The following SYT1 variants were observed in gnomAD, a reference collection of about 807,000 sequenced individuals.
SYT1 encodes synaptotagmin 1.
Under a neutral mutation model 44.8 loss-of-function variants are expected in SYT1, and 8 were observed. The ratio of observed to expected loss-of-function variants is 0.18; its 90% confidence interval spans 0.10 to 0.32. SYT1 has a LOEUF of 0.32. Ranked by LOEUF, SYT1 falls within the 10% of genes least tolerant of loss-of-function variation. The pLI is 1.00. For synonymous variants in SYT1, 154 were observed against 188.8 expected, an observed-to-expected ratio of 0.82 and a Z score of 1.51; for missense variants, 286 against 509.3, an observed-to-expected ratio of 0.56 and a Z score of 4.22.
chr12:79,109,067 G>T (rs956483779), intron 3 of SYT1, among the ~76,000 whole-genome samples: 2 of 152,124 alleles, frequency 1.3e-5, no homozygotes, highest in Non-Finnish European at 2.9e-5. Flanking sequence ...TCTCCACAAG[G>T]CCAGGGGCCC....
chr12:79,384,894 C>A (rs1457995896), intron 9 of SYT1, among the ~76,000 whole-genome samples: 1 of 151,364 alleles, frequency 6.6e-6, no homozygotes, highest in Admixed American at 6.6e-5. Flanking sequence ...ATACCCAAAT[C>A]TTTGAATTAT....
At chr12:79,058,464 G>T (rs1163999092) in intron 3 of SYT1, among the ~76,000 whole-genome samples, 1 of 152,004 alleles carries the variant, frequency 6.6e-6, no homozygotes, top group African/African-American at 2.4e-5. Flanking sequence ...CTGAGGTAAT[G>T]CTGTTTCCCA....
At chr12:79,013,435 T>C (rs924237292) in intron 2 of SYT1, among the ~76,000 whole-genome samples, 1 of 152,190 alleles carries the variant, frequency 6.6e-6, no homozygotes, top group African/African-American at 2.4e-5. Context: ...CCAAGAGGGA[T>C]TAACTGTTTA....
chr12:79,163,524 A>G (rs2138317393), intron 3 of SYT1, among the ~76,000 whole-genome samples: 1 of 152,234 alleles, frequency 6.6e-6, no homozygotes. Flanking sequence ...AACACGGTCT[A>G]AAGAAGGACT....
intron 3 of SYT1, among the ~76,000 whole-genome samples, chr12:79,168,148 C>A (rs886389591): frequency 1.3e-5 from 2 of 152,050 alleles, no homozygotes; most frequent in African/African-American, 4.8e-5. Context: ...TACTTAACTT[C>A]TTTGTCTTCT....
chr12:79,338,177 C>A (rs1243527978), intron 8 of SYT1, among the ~76,000 whole-genome samples: 1 of 152,126 alleles, frequency 6.6e-6, no homozygotes, highest in Non-Finnish European at 1.5e-5. Flanking sequence ...ATGGGGCTCA[C>A]CTACCATCTT....
chr12:79,274,085 A>AAAAT (rs769758168), intron 4 of SYT1, among the ~76,000 whole-genome samples: 1 of 152,238 alleles, frequency 6.6e-6, no homozygotes, highest in Non-Finnish European at 1.5e-5. Flanking sequence ...TCCGTCTGAA[A>AAAAT]AAATAAATAA....
At chr12:79,150,936 A>G (rs1286322308) in intron 3 of SYT1, among the ~76,000 whole-genome samples, 1 of 152,152 alleles carries the variant, frequency 6.6e-6, no homozygotes, top group Non-Finnish European at 1.5e-5. Flanking sequence ...TTAAGTGCCT[A>G]GAAAAAAGGA....
At chr12:78,983,685 A>G (rs1046745859) in intron 2 of SYT1, among the ~76,000 whole-genome samples, 2 of 152,078 alleles carry the variant, frequency 1.3e-5, no homozygotes, top group African/African-American at 4.8e-5. Flanking sequence ...ACACATCTTG[A>G]AAATGCAATA....
chr12:79,149,841 T>G (rs1022558071), intron 3 of SYT1, among the ~76,000 whole-genome samples: 2 of 152,188 alleles, frequency 1.3e-5, no homozygotes, highest in Non-Finnish European at 2.9e-5. Flanking sequence ...AACTCTACAC[T>G]GGCCCCACAC....
At position 78,926,586 on chromosome 12, in the gene SYT1, T is replaced by C. The variant is rs149411511; in HGVS notation, c.-216-51213T>C. The stretch of plus-strand genomic sequence containing the variant: ...GAAATTTTAAAACATTTTATTTTTA[T>C]CACATAACAGGAATGGAATAAACCA... On this transcript the variant is annotated intron_variant, in intron 1 of 10. Coordinates refer to ENST00000261205, the MANE Select transcript of SYT1 (RefSeq NM_005639.3). 1,094 of 151,772 alleles carry C rather than the reference T, an allele frequency of 7.2e-3. 14 individuals carry two copies. The highest frequency in any genetic ancestry group is 0.025 in the African/African-American group (1,036 of 41,436). 9.4% of individuals were successfully genotyped at this position (151,772 alleles called of 1,614,324 possible).
chr12:78,864,431 A>G (rs925396596), upstream of SYT1: 4 of 150,740 alleles, frequency 2.7e-5, no homozygotes, highest in Non-Finnish European at 5.9e-5. Flanking sequence ...CTTGTGGGGC[A>G]TTCCTGAGTC....
intron 3 of SYT1, among the ~76,000 whole-genome samples, chr12:79,207,566 C>T (rs959932643): frequency 1.2e-4 from 18 of 152,030 alleles, no homozygotes; most frequent in African/African-American, 4.1e-4. Context: ...CTCCCTGTGT[C>T]CATGTGTACT....
intron 3 of SYT1, among the ~76,000 whole-genome samples, chr12:79,050,707 A>C (rs1874415333): frequency 6.6e-6 from 1 of 152,096 alleles, no homozygotes; most frequent in African/African-American, 2.4e-5. Context: ...AGTTTTTAGT[A>C]AGAGTGATTC....
intron 3 of SYT1, among the ~76,000 whole-genome samples, chr12:79,118,450 A>G (rs1332182913): frequency 1.3e-5 from 2 of 152,230 alleles, no homozygotes; most frequent in Non-Finnish European, 2.9e-5. Flanking sequence ...TCAAGTCTAT[A>G]TACAATTTTC....
Position 79,149,852 on chromosome 12 carries a change from C to T in SYT1, c.-17-67651C>T, listed in dbSNP as rs183321324. On this transcript the variant is annotated intron_variant, in intron 3 of 10. Transcript: ENST00000261205. Reference sequence around the variant, plus strand: ...CATAAACTCTACACTGGCCCCACACCTTCTCTCTTGCTCACTATAGTATCT... The same window carrying T: ...CATAAACTCTACACTGGCCCCACACTTTCTCTCTTGCTCACTATAGTATCT... 2.8e-3 allele frequency among the ~76,000 whole-genome samples: 425 copies of T among 152,254 alleles called. 2 individuals are homozygous for T. The highest frequency in any genetic ancestry group is 4.6e-3 in the Admixed American group (70 of 15,284).
intron 2 of SYT1, among the ~76,000 whole-genome samples, chr12:79,030,692 G>A (rs1383242956): frequency 1.3e-5 from 2 of 151,036 alleles, no homozygotes; most frequent in African/African-American, 4.8e-5. Context: ...GCCCAAAATA[G>A]TCTATCAGCA....
intron 1 of SYT1, among the ~76,000 whole-genome samples, chr12:78,964,766 T>C (rs1385140009): frequency 2.0e-5 from 3 of 152,150 alleles, no homozygotes; most frequent in Non-Finnish European, 4.4e-5. Context: ...GAGTGAGTAA[T>C]TGAGACAAAA....
intron 2 of SYT1, among the ~76,000 whole-genome samples, chr12:78,986,394 T>G (rs1246421051): frequency 6.6e-6 from 1 of 151,968 alleles, no homozygotes; most frequent in Non-Finnish European, 1.5e-5. Flanking sequence ...TAGTTTTTTT[T>G]GATGAAACAG....
Sources: gnomAD v4.1 joint callset for allele counts (sites outside exome capture counted in the v4.1 genomes callset) on GRCh38, gnomAD v4.1.1 for gene constraint, MANE v1.5 for transcripts, NCBI Gene and HGNC (gene_info 2026-07-23, HGNC 2026-07-21) for gene names.